The following MAGI1 variants were observed in gnomAD, a reference collection of about 807,000 sequenced individuals.
MAGI1 encodes the protein membrane associated guanylate kinase, WW and PDZ domain containing 1.
Under a neutral mutation model 139.9 loss-of-function variants are expected in MAGI1, and 58 were observed. The observed-to-expected ratio is 0.41, with a 90% CI of 0.34 to 0.52. The LOEUF (loss-of-function observed/expected upper bound fraction) is 0.52. MAGI1 is among the 20% of genes least tolerant of loss of function. The probability of loss-of-function intolerance (pLI) is 0.12; values close to 1 mark genes in which losing one functional copy is unlikely to be tolerated. For missense variants in MAGI1, 1,874 were observed against 1,901.6 expected, an observed-to-expected ratio of 0.99 and a Z score of 0.27; for synonymous variants, 812 against 737.9, an observed-to-expected ratio of 1.10 and a Z score of -1.63.
chr3:65,467,110 T>C (rs1439234559), intron 5 of MAGI1, among the ~76,000 whole-genome samples: 4 of 152,230 alleles, frequency 2.6e-5, no homozygotes, highest in African/African-American at 9.6e-5. Flanking sequence ...CTAGTATTCC[T>C]TTGATCCCAT....
At chr3:65,535,117 C>A (rs6795602) in intron 2 of MAGI1, among the ~76,000 whole-genome samples, 1,969 of 151,896 alleles carry the variant, frequency 0.013, 45 homozygotes, top group African/African-American at 0.045. Context: ...TGTTCTTGTT[C>A]CCCAAGGGAC....
At chr3:65,604,806 T>G (rs2082657756) in intron 2 of MAGI1, among the ~76,000 whole-genome samples, 1 of 151,486 alleles carries the variant, frequency 6.6e-6, no homozygotes, top group South Asian at 2.1e-4. Context: ...AAATGGGGAA[T>G]AAACAAAATT....
chr3:65,817,381 A>G (rs923334469), intron 1 of MAGI1, among the ~76,000 whole-genome samples: 1 of 152,202 alleles, frequency 6.6e-6, no homozygotes, highest in South Asian at 2.1e-4. Context: ...AAATAATTTT[A>G]TTATATTCTG....
At chr3:65,448,679 GT>G (rs1305936912) in intron 6 of MAGI1, among the ~76,000 whole-genome samples, 1 of 129,982 alleles carries the variant, frequency 7.7e-6, no homozygotes, top group Non-Finnish European at 1.6e-5. Context: ...CATTTAACTG[GT>G]TTTGTGAGAA....
intron 1 of MAGI1, among the ~76,000 whole-genome samples, chr3:65,798,404 A>C (rs74953640): frequency 6.6e-6 from 1 of 152,144 alleles, no homozygotes; most frequent in East Asian, 1.9e-4. Context: ...CCCGGGAAAC[A>C]TAAGTCATCA....
intron 2 of MAGI1, among the ~76,000 whole-genome samples, chr3:65,504,087 C>A (rs2077184589): frequency 6.6e-6 from 1 of 152,162 alleles, no homozygotes; most frequent in Non-Finnish European, 1.5e-5. Context: ...TAAACAAAAA[C>A]AGCAGCTCAA....
intron 1 of MAGI1, among the ~76,000 whole-genome samples, chr3:65,711,033 G>C (rs2031329445): frequency 6.6e-6 from 1 of 152,056 alleles, no homozygotes. Flanking sequence ...CCTCTATGAA[G>C]ACAATGAAGA....
chr3:65,960,949 T>C (rs1427846495), intron 1 of MAGI1, among the ~76,000 whole-genome samples: 1 of 152,260 alleles, frequency 6.6e-6, no homozygotes, highest in East Asian at 1.9e-4. Flanking sequence ...CTCTAAGCTA[T>C]AAGTTCATCT....
chr3:65,978,784 C>T (rs943875261), intron 1 of MAGI1, among the ~76,000 whole-genome samples: 3 of 152,014 alleles, frequency 2.0e-5, no homozygotes, highest in Admixed American at 6.6e-5. Context: ...TGCGCCACCA[C>T]GCCCAGTTAA....
At chr3:65,710,232 G>A (rs2031154851) in intron 1 of MAGI1, among the ~76,000 whole-genome samples, 1 of 129,330 alleles carries the variant, frequency 7.7e-6, no homozygotes, top group South Asian at 2.6e-4. Flanking sequence ...TTTAGAAGAT[G>A]TCTTTACTTG....
At chr3:65,694,583 A>G (rs2088975723) in intron 1 of MAGI1, among the ~76,000 whole-genome samples, 1 of 152,226 alleles carries the variant, frequency 6.6e-6, no homozygotes, top group Non-Finnish European at 1.5e-5. Flanking sequence ...GGACTTAATC[A>G]GGACAGTTTC....
At chr3:66,007,810 G>A (rs189143701) in intron 1 of MAGI1, among the ~76,000 whole-genome samples, 3 of 151,678 alleles carry the variant, frequency 2.0e-5, no homozygotes, top group African/African-American at 7.3e-5. Context: ...TAGGGCAGAA[G>A]AGAAGGAAAG....
At chr3:65,439,480 C>A (rs1368017885) in intron 9 of MAGI1, among the ~76,000 whole-genome samples, 2 of 152,096 alleles carry the variant, frequency 1.3e-5, no homozygotes, top group Admixed American at 1.3e-4. Flanking sequence ...CTTTCTGATT[C>A]TTTACATGTA....
intron 1 of MAGI1, among the ~76,000 whole-genome samples, chr3:65,648,594 A>G (rs2085409644): frequency 6.6e-6 from 1 of 152,224 alleles, no homozygotes; most frequent in South Asian, 2.1e-4. Context: ...ATGATACACC[A>G]CAATCAAGAA....
chr3:65,596,268 T>C (rs1273605273), intron 2 of MAGI1, among the ~76,000 whole-genome samples: 4 of 152,228 alleles, frequency 2.6e-5, no homozygotes, highest in African/African-American at 4.8e-5. Context: ...GGAATTTTTA[T>C]GTTTTCAATA....
Position 65,453,325 on chromosome 3 carries a change from T to C in MAGI1, c.975A>G (p.Thr325=), listed in dbSNP as rs780402959. The C allele has an allele frequency of 1.2e-6, 2 of 1,612,058 alleles. No homozygotes were observed. The highest frequency in any genetic ancestry group is 1.7e-6 in the Non-Finnish European group (2 of 1,179,644). Residue 325 remains threonine, a synonymous_variant, in exon 6 of 23, where the codon ACA becomes ACG. Coordinates refer to ENST00000402939, the MANE Select transcript of MAGI1 (RefSeq NM_001033057.2). ...GGCACCGAGGGTCTAACCAAGATGTTGTTTTCGTGTTATGGCTGCAATCCA... is the reference window on the plus strand; with the variant it reads ...GGCACCGAGGGTCTAACCAAGATGTCGTTTTCGTGTTATGGCTGCAATCCA... The part of the protein sequence containing the change: ...EVYFIDHNTK[T]TSWLDPRCLN...
At chr3:65,820,656 A>G (rs1020096983) in intron 1 of MAGI1, among the ~76,000 whole-genome samples, 1 of 152,160 alleles carries the variant, frequency 6.6e-6, no homozygotes, top group African/African-American at 2.4e-5. Context: ...TCAGGTCACA[A>G]GAAAAAGGAA....
At chr3:66,014,883 AT>A (rs947605783) in intron 1 of MAGI1, among the ~76,000 whole-genome samples, 3 of 152,188 alleles carry the variant, frequency 2.0e-5, no homozygotes, top group Non-Finnish European at 4.4e-5. Flanking sequence ...TCCACTTAGA[AT>A]AACATTCCAC....
chr3:65,827,764 C>T (rs2042305957), intron 1 of MAGI1, among the ~76,000 whole-genome samples: 1 of 152,168 alleles, frequency 6.6e-6, no homozygotes, highest in African/African-American at 2.4e-5. Flanking sequence ...ATAATTATTA[C>T]AGAGAGGGAT....
Sources: gnomAD v4.1 joint callset for allele counts (sites outside exome capture counted in the v4.1 genomes callset) on GRCh38, gnomAD v4.1.1 for gene constraint, MANE v1.5 for transcripts, NCBI Gene and HGNC (gene_info 2026-07-23, HGNC 2026-07-21) for gene names.